Variants in JPH1 observed in about 807,000 individuals in gnomAD.
JPH1 encodes junctophilin 1.
In JPH1, 12 loss-of-function variants were observed where a neutral mutation model predicts 53.6. That is an observed-to-expected ratio of 0.22 (90% confidence interval 0.14 to 0.36). The LOEUF (loss-of-function observed/expected upper bound fraction) is 0.36, where lower values mean the gene tolerates loss of function less well. Ranked by LOEUF, JPH1 falls within the 10% of genes least tolerant of loss-of-function variation. JPH1 has a pLI of 1.00. For missense variants in JPH1, 808 were observed against 905.5 expected (o/e 0.89, Z 1.38); for synonymous variants, 375 against 363.8 (o/e 1.03, Z -0.35).
At chr8:74,278,898 T>C (rs1485661664) in intron 2 of JPH1, among the ~76,000 whole-genome samples, 1 of 152,080 alleles carries the variant, frequency 6.6e-6, no homozygotes, top group Non-Finnish European at 1.5e-5. Context: ...AACATGTTTG[T>C]ATGGGAATAT....
intron 2 of JPH1, among the ~76,000 whole-genome samples, chr8:74,307,347 C>T (rs1306884545): frequency 6.6e-6 from 1 of 152,152 alleles, no homozygotes; most frequent in African/African-American, 2.4e-5. Flanking sequence ...TCAAAACAAC[C>T]CTGCTATGAA....
At chr8:74,287,344 C>T (rs992762981) in intron 2 of JPH1, among the ~76,000 whole-genome samples, 4 of 151,488 alleles carry the variant, frequency 2.6e-5, no homozygotes, top group Middle Eastern at 3.2e-3. Context: ...ACGAGAATCG[C>T]GTGAACCTGG....
At chr8:74,293,192 G>GA (rs2131435720) in intron 2 of JPH1, among the ~76,000 whole-genome samples, 1 of 152,192 alleles carries the variant, frequency 6.6e-6, no homozygotes, top group East Asian at 1.9e-4. Flanking sequence ...TCTAGTAACT[G>GA]AAAAAATATA....
chr8:74,321,112 G>T lies in JPH1; in HGVS notation c.176C>A (p.Thr59Asn), dbSNP rs1358650597. The change falls in exon 1 of 6, where the codon ACC (threonine) becomes AAC (asparagine). Residue 59 changes from threonine to asparagine, a missense_variant. Transcript: ENST00000342232. The surrounding 1 kb of genome is among the most constrained non-coding windows in gnomAD (Gnocchi z 4.3). ...VGGYTWPSGN[T>N]YQGYWAQGKR... ...GCCCTGCGCCCAGTAGCCCTGGTAG[G>T]TGTTGCCGCTGGGCCAGGTGTAGCC... 1 of 1,613,512 alleles carries T rather than the reference G, an allele frequency of 6.2e-7. No homozygotes were observed.
chr8:74,248,773 TG>T (rs1805943265), intron 3 of JPH1, among the ~76,000 whole-genome samples: 2 of 152,244 alleles, frequency 1.3e-5, no homozygotes, highest in Admixed American at 6.5e-5. Context: ...AGGCACATGT[TG>T]TGCCTGCTAC....
At chr8:74,288,777 T>C (rs1251995718) in intron 2 of JPH1, among the ~76,000 whole-genome samples, 2 of 152,210 alleles carry the variant, frequency 1.3e-5, no homozygotes, top group Non-Finnish European at 2.9e-5. Flanking sequence ...GGCGCAAAAA[T>C]AGCAATTACT....
At chr8:74,287,337 A>G (rs1807196026) in intron 2 of JPH1, among the ~76,000 whole-genome samples, 1 of 151,996 alleles carries the variant, frequency 6.6e-6, no homozygotes, top group African/African-American at 2.4e-5. Flanking sequence ...CGGAGACACG[A>G]GAATCGCGTG....
intron 3 of JPH1, among the ~76,000 whole-genome samples, chr8:74,245,450 C>T (rs186357600): frequency 2.6e-5 from 4 of 152,136 alleles, no homozygotes; most frequent in East Asian, 3.9e-4. Flanking sequence ...GAACATTGGT[C>T]GCAATATCAT....
chr8:74,284,851 GT>G, intron 2 of JPH1, among the ~76,000 whole-genome samples: 2 of 135,504 alleles, frequency 1.5e-5, no homozygotes, highest in Non-Finnish European at 3.1e-5. Flanking sequence ...TTCAGACAAA[GT>G]CTCACTCTGT....
chr8:74,272,829 C>G (rs1438162099), intron 2 of JPH1, among the ~76,000 whole-genome samples: 1 of 152,068 alleles, frequency 6.6e-6, no homozygotes, highest in Non-Finnish European at 1.5e-5. Context: ...TGGTCTCGAT[C>G]TCCTGACCTC....
At chr8:74,292,353 CT>C in intron 2 of JPH1, among the ~76,000 whole-genome samples, 1 of 152,260 alleles carries the variant, frequency 6.6e-6, no homozygotes, top group East Asian at 1.9e-4. Context: ...CCAGCAGTGT[CT>C]ACTCAAGGAA....
intron 5 of JPH1, 76 bp from the exon 6 acceptor site, chr8:74,237,111 A>G (rs1807022357): frequency 1.1e-5 from 8 of 752,586 alleles, no homozygotes; most frequent in Non-Finnish European, 1.8e-5. Flanking sequence ...ATTAAAGTGA[A>G]GGACAATACG....
At chr8:74,269,139 A>C (rs1010283300) in intron 2 of JPH1, among the ~76,000 whole-genome samples, 1 of 152,206 alleles carries the variant, frequency 6.6e-6, no homozygotes, top group African/African-American at 2.4e-5. Flanking sequence ...CCAGTCTGCT[A>C]CCTCACTTTG....
At chr8:74,286,573 TC>T (rs1430867865) in intron 2 of JPH1, among the ~76,000 whole-genome samples, 3 of 149,420 alleles carry the variant, frequency 2.0e-5, no homozygotes, top group Non-Finnish European at 3.0e-5. Context: ...ATCCCTCTCT[TC>T]CCCACTACCT....
At chr8:74,285,892 C>T (rs1163843315) in intron 2 of JPH1, among the ~76,000 whole-genome samples, 1 of 152,202 alleles carries the variant, frequency 6.6e-6, no homozygotes, top group East Asian at 1.9e-4. Flanking sequence ...AGATACTTCA[C>T]TGCCTTCAGG....
intron 2 of JPH1, among the ~76,000 whole-genome samples, chr8:74,308,437 A>C (rs187647402): frequency 1.3e-5 from 2 of 152,240 alleles, no homozygotes; most frequent in Admixed American, 1.3e-4. Context: ...ATGAGAGCTA[A>C]GTTTCCATCT....
intron 2 of JPH1, among the ~76,000 whole-genome samples, chr8:74,282,077 C>T (rs1041551777): frequency 6.6e-6 from 1 of 152,194 alleles, no homozygotes; most frequent in Admixed American, 6.5e-5. Context: ...CATGAACCTA[C>T]CTAATCCTTT....
intron 2 of JPH1, among the ~76,000 whole-genome samples, chr8:74,294,446 T>C (rs1807441407): frequency 1.3e-5 from 2 of 152,348 alleles, no homozygotes; most frequent in South Asian, 4.1e-4. Context: ...GTCCCTGTCC[T>C]GATTCACGTA....
chr8:74,310,008 A>T (rs1807945533), intron 2 of JPH1, among the ~76,000 whole-genome samples: 1 of 152,206 alleles, frequency 6.6e-6, no homozygotes, highest in African/African-American at 2.4e-5. Context: ...GCTCTAAAAC[A>T]GCACTCCAGT....
Sources: gnomAD v4.1 joint callset for allele counts (sites outside exome capture counted in the v4.1 genomes callset) on GRCh38, gnomAD v4.1.1 for gene constraint, Gnocchi (gnomAD v3.1) non-coding constraint, MANE v1.5 for transcripts, NCBI Gene and HGNC (gene_info 2026-07-23, HGNC 2026-07-21) for gene names.